GPC5: variants seen among roughly 807,000 people sequenced by gnomAD.
GPC5 encodes glypican-5.
Under a neutral mutation model 53.9 loss-of-function variants are expected in GPC5, and 47 were observed. The ratio of observed to expected loss-of-function variants is 0.87; its 90% CI spans 0.69 to 1.11. GPC5 has a LOEUF of 1.11. Ranked by LOEUF, GPC5 falls within the 50% of genes most tolerant of loss-of-function variation. The pLI is 0.00. For synonymous variants in GPC5, 286 were observed against 263.3 expected (o/e 1.09, Z -0.84); for missense variants, 748 against 713.1 (o/e 1.05, Z -0.56).
intron 2 of GPC5, among the ~76,000 whole-genome samples, chr13:91,583,909 G>A (rs116678089): frequency 0.015 from 2,316 of 152,238 alleles, 52 homozygotes; most frequent in African/African-American, 0.053. Flanking sequence ...ATCTTATTAT[G>A]AGCTGAACTG....
intron 5 of GPC5, among the ~76,000 whole-genome samples, chr13:91,869,291 C>T (rs1405243091): frequency 6.6e-6 from 1 of 151,984 alleles, no homozygotes; most frequent in East Asian, 1.9e-4. Context: ...CAACTCCTGA[C>T]CTCATGATCC....
chr13:92,124,331 A>G (rs1205563219), intron 6 of GPC5, among the ~76,000 whole-genome samples: 1 of 151,504 alleles, frequency 6.6e-6, no homozygotes, highest in Non-Finnish European at 1.5e-5. Flanking sequence ...GAAAACAGCC[A>G]GATGTTACAA....
chr13:92,451,469 C>G (rs564842844), intron 7 of GPC5, among the ~76,000 whole-genome samples: 2 of 151,680 alleles, frequency 1.3e-5, no homozygotes, highest in South Asian at 4.2e-4. Context: ...TATATTAGCT[C>G]AACACTTCAA....
chr13:92,328,389 CGAGTTTTT>C (rs1359731823), intron 7 of GPC5, among the ~76,000 whole-genome samples: 1 of 152,042 alleles, frequency 6.6e-6, no homozygotes, highest in Admixed American at 6.6e-5. Flanking sequence ...TGGGGTGATT[CGAGTTTTT>C]GTCTATTTCT....
At chr13:91,522,023 G>A (rs898012590) in intron 2 of GPC5, among the ~76,000 whole-genome samples, 31 of 152,244 alleles carry the variant, frequency 2.0e-4, no homozygotes, top group Admixed American at 2.6e-4. Context: ...TATAAGGCTG[G>A]GTATGGAGGA....
At chr13:92,815,714 G>T (rs200407971) in intron 7 of GPC5, among the ~76,000 whole-genome samples, 1 of 144,990 alleles carries the variant, frequency 6.9e-6, no homozygotes, top group African/African-American at 2.5e-5. Context: ...TACAAGGGGT[G>T]GGGGTGTGGG....
At chr13:91,555,123 A>T (rs1009201352) in intron 2 of GPC5, among the ~76,000 whole-genome samples, 2 of 152,066 alleles carry the variant, frequency 1.3e-5, no homozygotes, top group Non-Finnish European at 2.9e-5. Context: ...TACAGATTCC[A>T]TATGCCCTTC....
At chr13:92,346,131 C>T (rs1190393716) in intron 7 of GPC5, among the ~76,000 whole-genome samples, 1 of 152,112 alleles carries the variant, frequency 6.6e-6, no homozygotes, top group Non-Finnish European at 1.5e-5. Flanking sequence ...TGACCTGAGC[C>T]ATCAAATGGC....
intron 7 of GPC5, among the ~76,000 whole-genome samples, chr13:92,815,222 G>A (rs939191920): frequency 2.0e-5 from 3 of 151,960 alleles, no homozygotes; most frequent in African/African-American, 7.3e-5. Flanking sequence ...AGGAGGTAAA[G>A]GTGATGAGAA....
chr13:91,956,625 C>T (rs2040076175), intron 6 of GPC5, among the ~76,000 whole-genome samples: 1 of 152,180 alleles, frequency 6.6e-6, no homozygotes, highest in Non-Finnish European at 1.5e-5. Flanking sequence ...ACTGACCTAC[C>T]TGGCATCCCT....
chr13:92,803,295 G>A (rs1876975945), intron 7 of GPC5, among the ~76,000 whole-genome samples: 2 of 151,954 alleles, frequency 1.3e-5, no homozygotes, highest in East Asian at 3.9e-4. Flanking sequence ...TGTATCAATA[G>A]CATACCACTG....
intron 7 of GPC5, among the ~76,000 whole-genome samples, chr13:92,639,677 T>C (rs1311000797): frequency 3.3e-5 from 5 of 152,230 alleles, no homozygotes; most frequent in Admixed American, 6.5e-5. Context: ...CAATTCTACC[T>C]TATAATTTTT....
intron 7 of GPC5, among the ~76,000 whole-genome samples, chr13:92,740,870 T>G (rs11618376): frequency 2.3e-4 from 31 of 133,566 alleles, no homozygotes; most frequent in Non-Finnish European, 4.5e-4. Flanking sequence ...CAAATTATAT[T>G]TATGTATGTA....
In GPC5 at chr13:92,698,225, T is replaced by G. The variant is rs556693285; in HGVS notation, c.1562-168057T>G. Among the ~76,000 whole-genome samples, 4 of 152,278 alleles carry G rather than the reference T, an allele frequency of 2.6e-5. No homozygotes were observed. The South Asian group carries it at 6.2e-4, about 24-fold the overall frequency. On this transcript the variant is annotated intron_variant, in intron 7 of 7. Coordinates refer to ENST00000377067, the MANE Select transcript of GPC5 (RefSeq NM_004466.6). Reference sequence around the variant, plus strand: ...TACATGTGCACAACGTGCACGTTAGTTACATATGTATACATGTGCCATGTT... The same window carrying G: ...TACATGTGCACAACGTGCACGTTAGGTACATATGTATACATGTGCCATGTT...
At chr13:91,538,052 A>G (rs1470436547) in intron 2 of GPC5, among the ~76,000 whole-genome samples, 2 of 152,236 alleles carry the variant, frequency 1.3e-5, no homozygotes, top group Non-Finnish European at 2.9e-5. Context: ...ATAAACAGAA[A>G]TGAAATACTG....
chr13:92,410,960 C>T (rs1203154848), intron 7 of GPC5, among the ~76,000 whole-genome samples: 4 of 152,194 alleles, frequency 2.6e-5, no homozygotes, highest in East Asian at 3.8e-4. Flanking sequence ...TGAGGCCAGG[C>T]GCAGTGGCCC....
chr13:92,405,231 A>AG lies in GPC5; in HGVS notation c.1561+260245dup, dbSNP rs534954198. On this transcript the variant is annotated intron_variant, in intron 7 of 7. Coordinates refer to ENST00000377067, the MANE Select transcript of GPC5 (RefSeq NM_004466.6). ...CCCCAGAGAGGATGCCATCCATCGGAGGGCACAGTCACACACTCCGTGCAC... is the reference window on the plus strand; with the variant it reads ...CCCCAGAGAGGATGCCATCCATCGGAGGGGCACAGTCACACACTCCGTGCAC... 5.9e-5 allele frequency among the ~76,000 whole-genome samples: 9 copies of AG among 152,306 alleles called. No individual in the cohort carries two copies. In the South Asian group the frequency reaches 1.9e-3, roughly 32 times the overall value.
At chr13:91,555,607 G>T (rs930298105) in intron 2 of GPC5, among the ~76,000 whole-genome samples, 3 of 151,972 alleles carry the variant, frequency 2.0e-5, no homozygotes, top group African/African-American at 7.2e-5. Context: ...TTGCGGGTAG[G>T]TTTGCATAGA....
intron 7 of GPC5, among the ~76,000 whole-genome samples, chr13:92,382,930 G>A (rs1003868345): frequency 6.7e-6 from 1 of 149,326 alleles, no homozygotes; most frequent in African/African-American, 2.5e-5. Context: ...GCGAACCCGG[G>A]AGGCGGAGCT....
Sources: gnomAD v4.1 joint callset for allele counts (sites outside exome capture counted in the v4.1 genomes callset) on GRCh38, gnomAD v4.1.1 for gene constraint, MANE v1.5 for transcripts, NCBI Gene and HGNC (gene_info 2026-07-23, HGNC 2026-07-21) for gene names.